GRK4: variants seen among roughly 807,000 people sequenced by gnomAD.
GRK4 encodes the protein G protein-coupled receptor kinase 2-like.
In GRK4, 73 loss-of-function variants were observed where a neutral mutation model predicts 77.9. The observed-to-expected ratio is 0.94, with a 90% CI of 0.78 to 1.14. The LOEUF is 1.14. GRK4 is among the 50% of genes most tolerant of loss of function. The probability of loss-of-function intolerance (pLI) is 0.00; values close to 1 mark genes in which losing one functional copy is unlikely to be tolerated. For synonymous variants in GRK4, 257 were observed against 254.4 expected (o/e 1.01, Z -0.10); for missense variants, 729 against 700.2 (o/e 1.04, Z -0.46).
chr4:3,027,031 T>G (rs567161378), intron 10 of GRK4, among the ~76,000 whole-genome samples: 1 of 152,196 alleles, frequency 6.6e-6, no homozygotes, highest in Non-Finnish European at 1.5e-5. Flanking sequence ...CTCAACAGAA[T>G]GTTTTCGATA....
At chr4:2,964,680 T>C (rs1056378989) in intron 1 of GRK4, among the ~76,000 whole-genome samples, 11 of 152,206 alleles carry the variant, frequency 7.2e-5, no homozygotes, top group African/African-American at 2.4e-4. Context: ...GATGGACAAG[T>C]TGGCAAAAAT....
chr4:3,001,255 G>GTA (rs1406428373), intron 4 of GRK4, among the ~76,000 whole-genome samples: 1 of 108,900 alleles, frequency 9.2e-6, no homozygotes, highest in Non-Finnish European at 1.8e-5. Context: ...ATACATATAT[G>GTA]TATATATATG....
chr4:2,978,800 T>C (rs894422178), intron 1 of GRK4, among the ~76,000 whole-genome samples: 1 of 151,926 alleles, frequency 6.6e-6, no homozygotes, highest in Admixed American at 6.6e-5. Context: ...TTTAAAAAAA[T>C]AGCCATGTGT....
intron 4 of GRK4, among the ~76,000 whole-genome samples, chr4:2,999,906 A>G (rs1729029055): frequency 6.6e-6 from 1 of 152,242 alleles, no homozygotes; most frequent in African/African-American, 2.4e-5. Flanking sequence ...TATCCAGAAT[A>G]TATAAATAAC....
chr4:3,024,372 C>T (rs1412721424), intron 10 of GRK4, among the ~76,000 whole-genome samples: 2 of 152,216 alleles, frequency 1.3e-5, no homozygotes, highest in East Asian at 1.9e-4. Flanking sequence ...AAGCGACCCT[C>T]CTGCCTCAGC....
At chr4:3,026,116 G>T (rs1008403894) in intron 10 of GRK4, among the ~76,000 whole-genome samples, 1 of 152,164 alleles carries the variant, frequency 6.6e-6, no homozygotes, top group African/African-American at 2.4e-5. Context: ...TTCCTATTTC[G>T]TTGAATGTAT....
Position 3,029,410 on chromosome 4 carries a change from G to T in GRK4, c.1269+1G>T. 2 of 1,611,690 alleles carry T rather than the reference G, an allele frequency of 1.2e-6. No homozygotes were observed. Among genetic ancestry groups the T allele is most frequent in the Non-Finnish European group, 1.7e-6 (2 of 1,177,958 alleles). The stretch of plus-strand genomic sequence containing the variant: ...GGATGCCAAATCTATCTGCAGGATG[G>T]TAAGTCAGGCTCTGTAGAGGCTGGG... On this transcript the variant is annotated splice_donor_variant, in intron 12 of 15. Coordinates refer to ENST00000398052, the MANE Select transcript of GRK4 (RefSeq NM_182982.3). LOFTEE classifies it high-confidence loss of function.
intron 1 of GRK4, chr4:2,966,750 A>G (rs1717836018): frequency 6.6e-6 from 1 of 152,212 alleles, no homozygotes; most frequent in Non-Finnish European, 1.5e-5. Flanking sequence ...TGGCTCATAT[A>G]CTAGAAAATT....
At chr4:2,965,701 A>G (rs550220300) in intron 1 of GRK4, 117 of 507,110 alleles carry the variant, frequency 2.3e-4, no homozygotes, top group Non-Finnish European at 3.4e-4. Flanking sequence ...CAAAGACTTC[A>G]TCTTCTCAGT....
chr4:3,007,976 T>G (rs1731795465), intron 6 of GRK4, 148 bp downstream of exon 6: 1 of 526,344 alleles, frequency 1.9e-6, no homozygotes, highest in Non-Finnish European at 3.4e-6. Flanking sequence ...GAATAGCCAC[T>G]GCACTCCAAC....
rs1431495789 is a variant in GRK4 at position 3,038,501 on chromosome 4, C to T, written c.1671C>T (p.Leu557=). ...CAAACAGAGGCTTCTTCTATAGACT[C>T]TTCAGAAGAGGGGTAAAAAGACTTA... ...SRPNRGFFYR[L]FRRGGCLTMV... The change falls in exon 15 of 16, where the codon CTC becomes CTT. Residue 557 remains leucine, a synonymous_variant. Coordinates refer to ENST00000398052, the MANE Select transcript of GRK4 (RefSeq NM_182982.3). 1.2e-6 allele frequency: 2 copies of T among 1,612,072 alleles called. No homozygotes were observed. Among genetic ancestry groups the T allele is most frequent in the Non-Finnish European group, 1.7e-6 (2 of 1,179,586 alleles).
chr4:3,025,518 C>T (rs1737243467), intron 10 of GRK4, among the ~76,000 whole-genome samples: 1 of 150,086 alleles, frequency 6.7e-6, no homozygotes, highest in Non-Finnish European at 1.5e-5. Flanking sequence ...GCCTCCCAAG[C>T]AGCTGGGACT....
intron 4 of GRK4, among the ~76,000 whole-genome samples, chr4:2,996,939 G>T (rs932034565): frequency 1.3e-5 from 2 of 152,086 alleles, no homozygotes; most frequent in Admixed American, 6.5e-5. Flanking sequence ...GAACCCCTAG[G>T]CTAGGTGCGG....
chr4:3,008,670 C>T (rs1452461380), intron 6 of GRK4, among the ~76,000 whole-genome samples: 1 of 151,982 alleles, frequency 6.6e-6, no homozygotes, highest in Admixed American at 6.6e-5. Context: ...GGCACGGTGG[C>T]ATGCACCTGT....
At chr4:3,021,001 C>T (rs543764122) in intron 9 of GRK4, among the ~76,000 whole-genome samples, 1 of 152,186 alleles carries the variant, frequency 6.6e-6, no homozygotes, top group African/African-American at 2.4e-5. Context: ...AAATTTTGCA[C>T]CATTTTATAT....
rs977407269 is a variant in GRK4, at chr4:3,006,375, C to T, written c.444-1361C>T. Among the ~76,000 whole-genome samples, 6 of 146,796 alleles carry T rather than the reference C, an allele frequency of 4.1e-5. No homozygotes were observed. In the East Asian group the frequency reaches 7.8e-4, roughly 19 times the overall value. Reference sequence around the variant, plus strand: ...AGCCTGGTCAACAAGAGCAAAACTCCGCCTCAAAAAAAAAAAAAAAGAGAT... The same window carrying T: ...AGCCTGGTCAACAAGAGCAAAACTCTGCCTCAAAAAAAAAAAAAAAGAGAT... On this transcript the variant is annotated intron_variant, in intron 5 of 15. Coordinates refer to ENST00000398052, the MANE Select transcript of GRK4 (RefSeq NM_182982.3).
chr4:2,976,398 A>AT (rs35070610), intron 1 of GRK4, among the ~76,000 whole-genome samples: 55,026 of 149,350 alleles, frequency 0.37, 10,440 homozygotes, highest in African/African-American at 0.45. Flanking sequence ...TGCCTGAGTA[A>AT]TTTTTTTTTT....
intron 1 of GRK4, among the ~76,000 whole-genome samples, chr4:2,973,620 T>C (rs1487954963): frequency 2.0e-5 from 3 of 152,036 alleles, no homozygotes; most frequent in Non-Finnish European, 4.4e-5. Flanking sequence ...TTGGACAGAG[T>C]GTTCAGCCCT....
Position 3,029,428 on chromosome 4 carries a change from A to G in GRK4, c.1269+19A>G. On this transcript the variant is annotated intron_variant, in intron 12 of 15. Transcript: ENST00000398052. Reference sequence around the variant, plus strand: ...CAGGATGGTAAGTCAGGCTCTGTAGAGGCTGGGAAATGGCACTTCTCACTC... The same window carrying G: ...CAGGATGGTAAGTCAGGCTCTGTAGGGGCTGGGAAATGGCACTTCTCACTC... 2 of 1,599,884 alleles carry G rather than the reference A, an allele frequency of 1.3e-6. No homozygotes were observed. The highest frequency in any genetic ancestry group is 1.7e-6 in the Non-Finnish European group (2 of 1,168,212).
Sources: allele counts gnomAD v4.1 joint callset (sites outside exome capture counted in the v4.1 genomes callset), GRCh38; gene constraint gnomAD v4.1.1; transcripts MANE v1.5; gene names NCBI Gene and HGNC (gene_info 2026-07-23, HGNC 2026-07-21).